Variants in FBLN7 observed in about 807,000 individuals in gnomAD.
The protein encoded by FBLN7 is fibulin-7.
A neutral mutation model predicts 44.0 loss-of-function variants in FBLN7; 31 were observed. The ratio of observed to expected loss-of-function variants is 0.70; its 90% CI spans 0.53 to 0.95. The LOEUF is 0.95. FBLN7 is among the 40% of genes least tolerant of loss of function. The pLI, the probability that FBLN7 is intolerant of heterozygous loss-of-function variation, is 0.00. For missense variants in FBLN7, 573 were observed against 618.5 expected, an observed-to-expected ratio of 0.93 and a Z score of 0.78; for synonymous variants, 262 against 253.4, an observed-to-expected ratio of 1.03 and a Z score of -0.32.
the FBLN7 span, among the ~76,000 whole-genome samples, chr2:112,225,112 T>C: frequency 1.3e-5 from 2 of 152,336 alleles, no homozygotes; most frequent in African/African-American, 4.8e-5. Context: ...GAATTTACTT[T>C]TGTGTATTGA....
chr2:112,168,790 G>A lies in FBLN7; in HGVS notation c.406+3619G>A, dbSNP rs1682298917. 2.0e-5 allele frequency among the ~76,000 whole-genome samples: 3 copies of A among 152,282 alleles called. No individual in the cohort carries two copies. The South Asian group carries it at 6.2e-4, about 32-fold the overall frequency. ...TGCCATGTGTTATGACCACAGAGTG[G>A]GGGTGGGGCATAATCTTCTTAATTA... On this transcript the variant is annotated intron_variant, in intron 3 of 7. Transcript: ENST00000331203.
At chr2:112,243,759 T>C in the FBLN7 span, among the ~76,000 whole-genome samples, 1 of 152,154 alleles carries the variant, frequency 6.6e-6, no homozygotes, top group East Asian at 1.9e-4. Flanking sequence ...TTTATTGTCT[T>C]GTCCTTTATA....
chr2:112,236,531 C>G, the FBLN7 span: 2 of 1,606,462 alleles, frequency 1.2e-6, no homozygotes, highest in South Asian at 2.2e-5. Flanking sequence ...ATGCAGGGGT[C>G]AGGTATTCCT....
the FBLN7 span, chr2:112,238,499 A>G: frequency 3.1e-6 from 5 of 1,611,464 alleles, no homozygotes; most frequent in Non-Finnish European, 4.2e-6. Context: ...TATGCAGCGA[A>G]CTTTTTGGTG....
At chr2:112,183,507 T>A (rs12104889) in intron 6 of FBLN7, among the ~76,000 whole-genome samples, 22,089 of 152,098 alleles carry the variant, frequency 0.15, 2,547 homozygotes, top group African/African-American at 0.32. Context: ...AGGGGGCTTA[T>A]CAGAGCCTGA....
the FBLN7 span, among the ~76,000 whole-genome samples, chr2:112,207,554 G>GCT: frequency 6.6e-6 from 1 of 151,578 alleles, no homozygotes; most frequent in Non-Finnish European, 1.5e-5. Context: ...TGATAGTGTT[G>GCT]CTCAGTTCTT....
chr2:112,141,427 C>A (rs563011743), intron 1 of FBLN7, among the ~76,000 whole-genome samples: 1 of 152,282 alleles, frequency 6.6e-6, no homozygotes, highest in East Asian at 1.9e-4. Context: ...CACCTAGAGG[C>A]CCCTACGGTG....
intron 3 of FBLN7, among the ~76,000 whole-genome samples, chr2:112,167,595 T>C (rs1381950327): frequency 1.3e-5 from 2 of 152,214 alleles, no homozygotes; most frequent in African/African-American, 4.8e-5. Flanking sequence ...TCATGAAAGA[T>C]AGATTCTGAG....
At chr2:112,179,065 C>A (rs1682861786) in intron 4 of FBLN7, among the ~76,000 whole-genome samples, 1 of 152,228 alleles carries the variant, frequency 6.6e-6, no homozygotes, top group African/African-American at 2.4e-5. Context: ...TTGCAGATGA[C>A]ATGATTCTAT....
chr2:112,200,029 T>A, the FBLN7 span, among the ~76,000 whole-genome samples: 1 of 152,202 alleles, frequency 6.6e-6, no homozygotes, highest in Non-Finnish European at 1.5e-5. Context: ...GGTATTCTGT[T>A]ATAGCAACAG....
At chr2:112,162,052 G>A (rs951623053) in intron 2 of FBLN7, among the ~76,000 whole-genome samples, 15 of 152,166 alleles carry the variant, frequency 9.9e-5, no homozygotes, top group Non-Finnish European at 1.6e-4. Context: ...ACAAGGTCTC[G>A]CTCTGTCACC....
intron 6 of FBLN7, among the ~76,000 whole-genome samples, chr2:112,183,816 G>T (rs1683117740): frequency 6.6e-6 from 1 of 152,122 alleles, no homozygotes; most frequent in Non-Finnish European, 1.5e-5. Flanking sequence ...AATGTCTGCA[G>T]CAGGGATGGG....
downstream of FBLN7, chr2:112,190,421 T>C (rs774262368): frequency 6.6e-6 from 1 of 152,222 alleles, no homozygotes; most frequent in Non-Finnish European, 1.5e-5. Flanking sequence ...AGATTTGGTT[T>C]GTATAAGAAA....
the FBLN7 span, among the ~76,000 whole-genome samples, chr2:112,207,036 T>C: frequency 6.6e-6 from 1 of 152,224 alleles, no homozygotes; most frequent in Non-Finnish European, 1.5e-5. Context: ...TTCAGCTTTC[T>C]TACTGATTTT....
intron 1 of FBLN7, among the ~76,000 whole-genome samples, chr2:112,158,116 C>T (rs921877032): frequency 6.6e-6 from 1 of 150,810 alleles, no homozygotes; most frequent in Non-Finnish European, 1.5e-5. Context: ...CCAGGATGGT[C>T]TCGATCTCCT....
chr2:112,203,218 T>C, the FBLN7 span, among the ~76,000 whole-genome samples: 18 of 152,124 alleles, frequency 1.2e-4, no homozygotes, highest in African/African-American at 4.1e-4. Flanking sequence ...GTACTTCTCA[T>C]GCAGGAAGTA....
At chr2:112,188,278 T>G (rs1250820513), downstream of FBLN7, 1 of 152,236 alleles carries the variant, frequency 6.6e-6, no homozygotes, top group East Asian at 1.9e-4. Flanking sequence ...GGTGGCTGAC[T>G]CTCTTCCTGT....
At chr2:112,160,769 CG>C (rs1352949490) in intron 2 of FBLN7, among the ~76,000 whole-genome samples, 1 of 41,102 alleles carries the variant, frequency 2.4e-5, no homozygotes, top group African/African-American at 1.0e-4. Flanking sequence ...CGCACGCACA[CG>C]CAGACGCACA....
chr2:112,197,268 CACACACAGAGAGAG>C, the FBLN7 span, among the ~76,000 whole-genome samples: 26 of 128,872 alleles, frequency 2.0e-4, no homozygotes, highest in African/African-American at 3.1e-4. Flanking sequence ...CACACACACA[CACACACAGAGAGAG>C]AGAGAGAGAG....
Sources: gnomAD v4.1 joint callset for allele counts (sites outside exome capture counted in the v4.1 genomes callset) on GRCh38, gnomAD v4.1.1 for gene constraint, MANE v1.5 for transcripts, NCBI Gene and HGNC (gene_info 2026-07-23, HGNC 2026-07-21) for gene names.